Variants in TMEM117 observed in about 807,000 individuals in gnomAD.
The protein encoded by TMEM117 is transmembrane protein 117.
In TMEM117, 27 loss-of-function variants were observed where a neutral mutation model predicts 52.4. The observed-to-expected ratio is 0.51, with a 90% CI of 0.38 to 0.71. The LOEUF (loss-of-function observed/expected upper bound fraction) is 0.71, where lower values mean the gene tolerates loss of function less well. Ranked by LOEUF, TMEM117 falls within the 30% of genes least tolerant of loss-of-function variation. The pLI is 0.00. For synonymous variants in TMEM117, 215 were observed against 206.3 expected (o/e 1.04, Z -0.36); for missense variants, 556 against 630.5 (o/e 0.88, Z 1.26).
chr12:43,944,116 T>C, intron 2 of TMEM117, 94 bp from the exon 3 acceptor site: 3 of 1,119,506 alleles, frequency 2.7e-6, no homozygotes, highest in Non-Finnish European at 3.8e-6. Context: ...CTTCAGAATA[T>C]AGTGAGACAT....
At chr12:44,398,346 C>T in the TMEM117 span, among the ~76,000 whole-genome samples, 1 of 152,038 alleles carries the variant, frequency 6.6e-6, no homozygotes, top group Admixed American at 6.6e-5. Flanking sequence ...AGGGTGTTGT[C>T]ATTGTCCCAG....
At chr12:43,841,696 C>T (rs1467581096) in intron 1 of TMEM117, among the ~76,000 whole-genome samples, 1 of 152,186 alleles carries the variant, frequency 6.6e-6, no homozygotes, top group African/African-American at 2.4e-5. Flanking sequence ...TGGAATTGAT[C>T]TGGCCGTCTG....
At chr12:44,042,792 A>ACACC (rs1044046136) in intron 3 of TMEM117, among the ~76,000 whole-genome samples, 1 of 150,974 alleles carries the variant, frequency 6.6e-6, no homozygotes, top group African/African-American at 2.5e-5. Context: ...ACACACACAC[A>ACACC]CACACACACA....
intron 2 of TMEM117, among the ~76,000 whole-genome samples, chr12:43,855,119 G>A (rs999419578): frequency 6.6e-6 from 1 of 152,230 alleles, no homozygotes; most frequent in Non-Finnish European, 1.5e-5. Context: ...ACTCAAGTAA[G>A]TTCAGGTTAG....
chr12:43,850,970 C>G (rs532889962), intron 2 of TMEM117, among the ~76,000 whole-genome samples: 144 of 152,192 alleles, frequency 9.5e-4, no homozygotes, highest in African/African-American at 3.2e-3. Context: ...ATTGGAATGC[C>G]TTACAAAAAT....
intron 3 of TMEM117, among the ~76,000 whole-genome samples, chr12:44,031,432 C>T (rs889266787): frequency 6.6e-6 from 1 of 152,220 alleles, no homozygotes. Context: ...AGGACTTCGA[C>T]AGGTGCATTT....
intron 5 of TMEM117, among the ~76,000 whole-genome samples, chr12:44,277,414 T>C (rs1013881430): frequency 2.6e-5 from 4 of 151,228 alleles, no homozygotes; most frequent in Non-Finnish European, 5.9e-5. Flanking sequence ...TTTGATATCT[T>C]AAAAAAAAAG....
chr12:44,362,028 A>G (rs1318297159), intron 6 of TMEM117, among the ~76,000 whole-genome samples: 1 of 152,122 alleles, frequency 6.6e-6, no homozygotes, highest in Non-Finnish European at 1.5e-5. Flanking sequence ...AATATTCTCT[A>G]CTTTTTCAAG....
At chr12:43,853,496 G>A (rs1237589347) in intron 2 of TMEM117, among the ~76,000 whole-genome samples, 1 of 152,164 alleles carries the variant, frequency 6.6e-6, no homozygotes, top group Admixed American at 6.5e-5. Flanking sequence ...GGATGGTCTC[G>A]ATCTCCTGAC....
chr12:44,362,782 A>G (rs1951738384), intron 6 of TMEM117, among the ~76,000 whole-genome samples: 1 of 152,024 alleles, frequency 6.6e-6, no homozygotes, highest in African/African-American at 2.4e-5. Context: ...AACTGTGGGC[A>G]AACATCTCTA....
chr12:44,022,589 A>T lies in TMEM117; in HGVS notation c.410+78247A>T, dbSNP rs192606147. On this transcript the variant is annotated intron_variant, in intron 3 of 7. Coordinates refer to ENST00000266534, the MANE Select transcript of TMEM117 (RefSeq NM_032256.3). ...GTCATCTAAAGCATTTACAGGTGTC[A>T]TGAGGAATGTGAGCATAATAAAGAA... Among the ~76,000 whole-genome samples the T allele has an allele frequency of 2.7e-3, 413 of 152,294 alleles. 4 individuals carry two copies. Among genetic ancestry groups the T allele is most frequent in the African/African-American group, 9.4e-3 (389 of 41,564 alleles).
chr12:44,264,882 A>G (rs1950359140), intron 5 of TMEM117, among the ~76,000 whole-genome samples: 1 of 152,194 alleles, frequency 6.6e-6, no homozygotes, highest in African/African-American at 2.4e-5. Flanking sequence ...TTCTATAAAA[A>G]TTACATCTAA....
intron 5 of TMEM117, among the ~76,000 whole-genome samples, chr12:44,295,286 C>A (rs1031456672): frequency 6.6e-6 from 1 of 152,158 alleles, no homozygotes; most frequent in Non-Finnish European, 1.5e-5. Flanking sequence ...TCACTGCAAC[C>A]TTTGCCTCCT....
intron 3 of TMEM117, among the ~76,000 whole-genome samples, chr12:44,014,051 G>A (rs1388698399): frequency 2.0e-5 from 3 of 152,162 alleles, no homozygotes; most frequent in African/African-American, 7.2e-5. Context: ...AGATACAACT[G>A]TGGACTAGAG....
intron 4 of TMEM117, among the ~76,000 whole-genome samples, chr12:44,210,202 A>C (rs971481061): frequency 6.6e-6 from 1 of 152,092 alleles, no homozygotes; most frequent in African/African-American, 2.4e-5. Context: ...TAAGTAATGG[A>C]ATGGTGTTCT....
At chr12:44,300,897 A>G (rs1216976551) in intron 6 of TMEM117, among the ~76,000 whole-genome samples, 1 of 152,234 alleles carries the variant, frequency 6.6e-6, no homozygotes, top group Non-Finnish European at 1.5e-5. Flanking sequence ...CCTGTCACTA[A>G]GCTGTAGGAC....
At chr12:43,845,532 T>G (rs1003248483) in intron 2 of TMEM117, among the ~76,000 whole-genome samples, 1 of 150,914 alleles carries the variant, frequency 6.6e-6, no homozygotes, top group African/African-American at 2.5e-5. Flanking sequence ...TTTAAAAACT[T>G]TTTTTATTTT....
the TMEM117 span, among the ~76,000 whole-genome samples, chr12:43,798,059 G>A: frequency 6.6e-6 from 1 of 152,082 alleles, no homozygotes; most frequent in African/African-American, 2.4e-5. Context: ...TGAGTGTACA[G>A]TTAGTGGGGT....
intron 4 of TMEM117, among the ~76,000 whole-genome samples, chr12:44,167,645 C>T (rs530232265): frequency 2.6e-5 from 4 of 151,986 alleles, no homozygotes; most frequent in East Asian, 3.9e-4. Context: ...CCAGCTTGGG[C>T]GACAGGGCGA....
Sources: gnomAD v4.1 joint callset for allele counts (sites outside exome capture counted in the v4.1 genomes callset) on GRCh38, gnomAD v4.1.1 for gene constraint, MANE v1.5 for transcripts, NCBI Gene and HGNC (gene_info 2026-07-23, HGNC 2026-07-21) for gene names.